Variants in DENND1A observed in about 807,000 individuals in gnomAD.
DENND1A encodes DENN domain containing 1A.
DENND1A carries 51 observed loss-of-function variants against 113.7 expected under a neutral mutation model. The observed-to-expected ratio is 0.45, with a 90% CI of 0.36 to 0.57. DENND1A has a LOEUF of 0.57. DENND1A is among the 20% of genes least tolerant of loss of function. The pLI is 0.00. For synonymous variants in DENND1A, 565 were observed against 570.8 expected (o/e 0.99, Z 0.14); for missense variants, 1,258 against 1,395.9 (o/e 0.90, Z 1.57).
chr9:123,640,056 C>A (rs1020121547), intron 9 of DENND1A, among the ~76,000 whole-genome samples: 2 of 152,106 alleles, frequency 1.3e-5, no homozygotes, highest in South Asian at 4.1e-4. Context: ...TGCTCTTAGC[C>A]CCCATGAAAC....
At chr9:123,469,349 C>G (rs2049207334) in intron 13 of DENND1A, among the ~76,000 whole-genome samples, 1 of 152,240 alleles carries the variant, frequency 6.6e-6, no homozygotes, top group African/African-American at 2.4e-5. Flanking sequence ...TGATGATTTG[C>G]AGGGGCAGGC....
intron 2 of DENND1A, among the ~76,000 whole-genome samples, chr9:123,862,013 T>C (rs774009328): frequency 6.6e-6 from 1 of 152,214 alleles, no homozygotes; most frequent in Non-Finnish European, 1.5e-5. Flanking sequence ...ACAGGCTCTT[T>C]CAGCAAAAGC....
intron 13 of DENND1A, among the ~76,000 whole-genome samples, chr9:123,544,627 C>T (rs1299859587): frequency 1.3e-5 from 2 of 152,186 alleles, no homozygotes; most frequent in Non-Finnish European, 1.5e-5. Context: ...GCCTCAGTTT[C>T]TCATCAGTAA....
intron 9 of DENND1A, among the ~76,000 whole-genome samples, chr9:123,638,952 G>C (rs2061861978): frequency 7.0e-6 from 1 of 143,670 alleles, no homozygotes; most frequent in Non-Finnish European, 1.5e-5. Context: ...ACTGAACATG[G>C]AATCGTGAGT....
intron 21 of DENND1A, chr9:123,400,933 T>C (rs1488473491): frequency 6.6e-6 from 1 of 152,204 alleles, no homozygotes; most frequent in African/African-American, 2.4e-5. Context: ...TCAAAGATCC[T>C]GCATCCCCTT....
At chr9:123,803,733 T>C (rs1835077338) in intron 2 of DENND1A, among the ~76,000 whole-genome samples, 1 of 152,214 alleles carries the variant, frequency 6.6e-6, no homozygotes, top group African/African-American at 2.4e-5. Context: ...TACAGATATT[T>C]CTTAAAAGGT....
chr9:123,613,745 C>A (rs1020533438), intron 10 of DENND1A, among the ~76,000 whole-genome samples: 12 of 152,284 alleles, frequency 7.9e-5, no homozygotes, highest in African/African-American at 2.4e-4. Context: ...CAAACTTATG[C>A]ATAGGCAGGT....
At chr9:123,596,900 G>T (rs914299114) in intron 11 of DENND1A, among the ~76,000 whole-genome samples, 5 of 152,152 alleles carry the variant, frequency 3.3e-5, no homozygotes, top group East Asian at 1.9e-4. Context: ...TAAAATAGGG[G>T]CCCCACTACC....
rs540158024 is a variant in DENND1A at position 123,602,428 on chromosome 9, A to G, written c.765+7008T>C. Among the ~76,000 whole-genome samples the G allele has an allele frequency of 1.4e-3, 211 of 152,252 alleles. 1 individual carries two copies. The highest frequency in any genetic ancestry group is 1.9e-3 in the Non-Finnish European group (130 of 68,004). On this transcript the variant is annotated intron_variant, in intron 11 of 23. Coordinates refer to ENST00000394215, the MANE Select transcript of DENND1A (RefSeq NM_001352964.2). The stretch of plus-strand genomic sequence containing the variant: ...GAATCTGTGGACATGGAACCTGTGG[A>G]TGCAGAGCGCCAATTGTATGTTACC...
At chr9:123,504,620 T>C (rs912647610) in intron 13 of DENND1A, among the ~76,000 whole-genome samples, 1 of 152,248 alleles carries the variant, frequency 6.6e-6, no homozygotes, top group Non-Finnish European at 1.5e-5. Flanking sequence ...CTCTACTGAA[T>C]ACAGAATCTG....
In DENND1A at chr9:123,501,533, C is replaced by G. The variant is rs192446080; in HGVS notation, c.994-43636G>C. On this transcript the variant is annotated intron_variant, in intron 13 of 23. Coordinates refer to ENST00000394215, the MANE Select transcript of DENND1A (RefSeq NM_001352964.2). ...ACTGTATTTTTAGTTTTTTGAGGAACCATCATACTGTTTTCCACAGCAGCC... is the reference window on the plus strand; with the variant it reads ...ACTGTATTTTTAGTTTTTTGAGGAAGCATCATACTGTTTTCCACAGCAGCC... Among the ~76,000 whole-genome samples the G allele has an allele frequency of 7.2e-4, 110 of 152,286 alleles. 3 individuals carry two copies. The highest frequency in any genetic ancestry group is 7.1e-3 in the Admixed American group (109 of 15,288).
chr9:123,504,225 T>G (rs879547882), intron 13 of DENND1A, among the ~76,000 whole-genome samples: 1 of 152,196 alleles, frequency 6.6e-6, no homozygotes, highest in Non-Finnish European at 1.5e-5. Context: ...CACTCGCCCT[T>G]CGAGGTCCCG....
At chr9:123,767,961 A>G (rs2131598392) in intron 4 of DENND1A, among the ~76,000 whole-genome samples, 1 of 152,298 alleles carries the variant, frequency 6.6e-6, no homozygotes, top group Admixed American at 6.5e-5. Context: ...AATTTGTCAT[A>G]CATTTTATAA....
intron 2 of DENND1A, among the ~76,000 whole-genome samples, chr9:123,858,913 C>T (rs1844672072): frequency 6.6e-6 from 1 of 152,022 alleles, no homozygotes; most frequent in African/African-American, 2.4e-5. Flanking sequence ...AAAGATTATG[C>T]CAGGGATTAT....
chr9:123,910,887 G>A (rs1485830109), intron 1 of DENND1A, among the ~76,000 whole-genome samples: 1 of 152,214 alleles, frequency 6.6e-6, no homozygotes, highest in Admixed American at 6.5e-5. Flanking sequence ...AGGTTGCAGT[G>A]AGCCTAGATG....
At chr9:123,903,502 T>G (rs991695486) in intron 1 of DENND1A, among the ~76,000 whole-genome samples, 2 of 151,892 alleles carry the variant, frequency 1.3e-5, no homozygotes, top group African/African-American at 4.8e-5. Flanking sequence ...TGGGCGCAGG[T>G]CAGTGGGTGC....
chr9:123,675,681 C>T (rs1358566842), intron 6 of DENND1A, among the ~76,000 whole-genome samples: 1 of 152,130 alleles, frequency 6.6e-6, no homozygotes, highest in Non-Finnish European at 1.5e-5. Flanking sequence ...GCAATTAAAA[C>T]AATGAGACTT....
At chr9:123,415,412 A>G (rs2044645520) in intron 19 of DENND1A, among the ~76,000 whole-genome samples, 1 of 152,118 alleles carries the variant, frequency 6.6e-6, no homozygotes, top group Admixed American at 6.5e-5. Context: ...GGGGGTGCGC[A>G]TTGAAGACCC....
At position 123,813,341 on chromosome 9, in the gene DENND1A, T is replaced by C. The variant is rs372215694; in HGVS notation, c.89-20711A>G. Among the ~76,000 whole-genome samples the C allele has an allele frequency of 8.5e-5, 13 of 152,322 alleles. 1 individual carries two copies. The highest frequency in any genetic ancestry group is 1.9e-4 in the African/African-American group (8 of 41,582). The stretch of plus-strand genomic sequence containing the variant: ...AATATTTTCACATTTTCTATGAACT[T>C]CTGCTTTTTAATGTACATCTTTAAT... On this transcript the variant is annotated intron_variant, in intron 2 of 23. Transcript: ENST00000394215.
Sources: gnomAD v4.1 joint callset for allele counts (sites outside exome capture counted in the v4.1 genomes callset) on GRCh38, gnomAD v4.1.1 for gene constraint, MANE v1.5 for transcripts, NCBI Gene and HGNC (gene_info 2026-07-23, HGNC 2026-07-21) for gene names.